Variants in PCDHGA3 observed in about 807,000 individuals in gnomAD.
PCDHGA3 encodes protocadherin gamma-A3.
In PCDHGA3, 40 loss-of-function variants were observed where a neutral mutation model predicts 58.5. The observed-to-expected ratio is 0.68, with a 90% CI of 0.53 to 0.89. PCDHGA3 has a LOEUF of 0.89. PCDHGA3 is among the 40% of genes least tolerant of loss of function. The pLI is 0.00. For missense variants in PCDHGA3, 1,223 were observed against 1,195.9 expected, an observed-to-expected ratio of 1.02 and a Z score of -0.33; for synonymous variants, 530 against 525.7, an observed-to-expected ratio of 1.01 and a Z score of -0.11.
chr5:141,466,646 T>C (rs954003023), intron 1 of PCDHGA3, among the ~76,000 whole-genome samples: 11 of 152,210 alleles, frequency 7.2e-5, no homozygotes, highest in African/African-American at 2.4e-4. Context: ...CATAAACTTT[T>C]CACAAAACAT....
In PCDHGA3 at chr5:141,366,839, A is replaced by G. The variant is rs372026898; in HGVS notation, c.2424+20382A>G. The G allele has an allele frequency of 1.6e-5, 24 of 1,499,090 alleles. No homozygotes were observed. In the African/African-American group the frequency reaches 3.1e-4, roughly 19 times the overall value. 92.9% of individuals were successfully genotyped at this position (1,499,090 alleles called of 1,614,324 possible). A position where few individuals can be genotyped will look rare whatever the true frequency, so the allele number is the denominator to read the frequency against. On this transcript the variant is annotated intron_variant, in intron 1 of 3. Coordinates refer to ENST00000253812, the MANE Select transcript of PCDHGA3 (RefSeq NM_018916.4). ...CTGTCATATTCAGAATCAGCTAGTT[A>G]TGTAAATAGTGGAACATTATTTGCT...
chr5:141,352,591 G>C, intron 1 of PCDHGA3: 1 of 1,613,590 alleles, frequency 6.2e-7, no homozygotes, highest in Non-Finnish European at 8.5e-7. Flanking sequence ...AGGATCTGCT[G>C]TGTGATGATC....
intron 2 of PCDHGA3, among the ~76,000 whole-genome samples, chr5:141,503,954 C>T (rs2099834393): frequency 6.6e-6 from 1 of 152,186 alleles, no homozygotes; most frequent in Non-Finnish European, 1.5e-5. Flanking sequence ...GCCTACCCTA[C>T]AGCCTTTCCC....
At chr5:141,411,951 G>A (rs1589812278) in intron 1 of PCDHGA3, 1 of 152,252 alleles carries the variant, frequency 6.6e-6, no homozygotes, top group African/African-American at 2.4e-5. Context: ...GATTTTTGAA[G>A]AAAAAAGATA....
In PCDHGA3 at chr5:141,432,921, A is replaced by G; in HGVS notation, c.2425-61886A>G. On this transcript the variant is annotated intron_variant, in intron 1 of 3. Transcript: ENST00000253812. The surrounding 1 kb of genome is among the most constrained non-coding windows in gnomAD (Gnocchi z 6.0). ...GCGCTCAGGCTGCGGCGCTGGCACAAGTCACGCCTGCTGCAGGCTTCAGGA... is the reference window on the plus strand; with the variant it reads ...GCGCTCAGGCTGCGGCGCTGGCACAGGTCACGCCTGCTGCAGGCTTCAGGA... 6.2e-7 allele frequency: 1 copy of G among 1,614,114 alleles called. No individual in the cohort carries two copies. The highest frequency in any genetic ancestry group is 1.7e-4 in the Middle Eastern group (1 of 6,060).
chr5:141,497,406 C>T lies in PCDHGA3; in HGVS notation c.2483+2541C>T, dbSNP rs892691245. 1.2e-4 allele frequency among the ~76,000 whole-genome samples: 19 copies of T among 152,174 alleles called. No individual in the cohort carries two copies. The East Asian group carries it at 1.5e-3, about 12-fold the overall frequency. ...AGCACCTTACCCCTGCCTCAACTCC[C>T]ATTCCATCAAATGAGAGGCTTAGTG... On this transcript the variant is annotated intron_variant, in intron 2 of 3. Transcript: ENST00000253812.
chr5:141,397,816 A>G (rs1403683863), intron 1 of PCDHGA3, among the ~76,000 whole-genome samples: 2 of 152,230 alleles, frequency 1.3e-5, no homozygotes, highest in African/African-American at 4.8e-5. Context: ...CACAAAAACA[A>G]TTACTGCACT....
At chr5:141,383,058 G>A (rs1289702805) in intron 1 of PCDHGA3, 1 of 1,613,912 alleles carries the variant, frequency 6.2e-7, no homozygotes, top group East Asian at 2.2e-5. Context: ...AGGACCTGGG[G>A]CTGGAGCCCC....
Position 141,410,368 on chromosome 5 carries a change from T to C in PCDHGA3, c.2424+63911T>C, listed in dbSNP as rs751198926. 5.6e-6 allele frequency: 9 copies of C among 1,613,956 alleles called. No homozygotes were observed. The African/African-American group carries it at 1.2e-4, about 22-fold the overall frequency. On this transcript the variant is annotated intron_variant, in intron 1 of 3. Coordinates refer to ENST00000253812, the MANE Select transcript of PCDHGA3 (RefSeq NM_018916.4). Reference sequence around the variant, plus strand: ...GCCTGCGACGCTCTCTCAGCCCTGCTACTTGGGACTGCTTCCATCCTGGTC... The same window carrying C: ...GCCTGCGACGCTCTCTCAGCCCTGCCACTTGGGACTGCTTCCATCCTGGTC...
At chr5:141,364,840 C>G in intron 1 of PCDHGA3, 2 of 1,614,010 alleles carry the variant, frequency 1.2e-6, no homozygotes, top group Non-Finnish European at 1.7e-6. Context: ...TCCGGAGTTA[C>G]CAGCTCAGCT....
At chr5:141,366,570 G>A (rs373636717) in intron 1 of PCDHGA3, 2 of 1,614,218 alleles carry the variant, frequency 1.2e-6, no homozygotes, top group Non-Finnish European at 1.7e-6. Context: ...GATGGGGTTC[G>A]GGCTTTCCTG....
chr5:141,398,882 G>A, intron 1 of PCDHGA3: 1 of 1,613,930 alleles, frequency 6.2e-7, no homozygotes, highest in Non-Finnish European at 8.5e-7. Context: ...GTCAGCCTTC[G>A]GGAAAACGTG....
At chr5:141,502,300 TTCCTC>T (rs139569110) in intron 2 of PCDHGA3, among the ~76,000 whole-genome samples, 4,853 of 152,256 alleles carry the variant, frequency 0.032, 250 homozygotes, top group African/African-American at 0.11. Flanking sequence ...TGTCACGTCT[TTCCTC>T]TCCTTTAATC....
intron 1 of PCDHGA3, among the ~76,000 whole-genome samples, chr5:141,466,613 C>T (rs772278295): frequency 1.2e-4 from 19 of 152,144 alleles, no homozygotes; most frequent in Non-Finnish European, 2.4e-4. Context: ...TGTAAACTGC[C>T]GTTTTCTTTG....
chr5:141,356,730 T>C, intron 1 of PCDHGA3: 1 of 1,613,992 alleles, frequency 6.2e-7, no homozygotes, highest in Middle Eastern at 1.6e-4. Context: ...TCAACTCCAA[T>C]ACAGGGATCC....
intron 1 of PCDHGA3, chr5:141,408,720 A>G (rs1325828281): frequency 6.2e-7 from 1 of 1,611,214 alleles, no homozygotes; most frequent in African/African-American, 1.3e-5. Context: ...TATAAGATAA[A>G]CTCTAATCCT....
intron 1 of PCDHGA3, chr5:141,375,344 A>T: frequency 6.2e-7 from 1 of 1,613,836 alleles, no homozygotes; most frequent in South Asian, 1.1e-5. Context: ...GTACAACATC[A>T]CTGTGACAGC....
chr5:141,489,084 C>G lies in PCDHGA3; in HGVS notation c.2425-5723C>G. ...CTCCCCCCTGCCCACCCCCGCCACT[C>G]GGTGACTAAGAACTGCTGCAAGCAG... On this transcript the variant is annotated intron_variant, in intron 1 of 3. Transcript: ENST00000253812. This position sits in a 1 kb window ranked among gnomAD's most constrained non-coding sequence, Gnocchi z 4.5. 6.1e-6 allele frequency: 2 copies of G among 329,126 alleles called. No homozygotes were observed. The highest frequency in any genetic ancestry group is 2.5e-5 in the African/African-American group (1 of 40,384). 20.4% of individuals were successfully genotyped at this position (329,126 alleles called of 1,614,324 possible). A position where few individuals can be genotyped will look rare whatever the true frequency, so the allele number is the denominator to read the frequency against.
At chr5:141,357,397 G>A in intron 1 of PCDHGA3, 2 of 1,614,242 alleles carry the variant, frequency 1.2e-6, no homozygotes, top group Non-Finnish European at 1.7e-6. Flanking sequence ...CAGCAGGTTG[G>A]CAGGTGTGCC....
Sources: allele counts gnomAD v4.1 joint callset (sites outside exome capture counted in the v4.1 genomes callset), GRCh38; gene constraint gnomAD v4.1.1; non-coding constraint Gnocchi (gnomAD v3.1); transcripts MANE v1.5; gene names NCBI Gene and HGNC (gene_info 2026-07-23, HGNC 2026-07-21).